CILK1: variants seen among roughly 807,000 people sequenced by gnomAD.
The protein encoded by CILK1 is ciliogenesis associated kinase 1.
CILK1 carries 47 observed loss-of-function variants against 79.2 expected under a neutral mutation model. The observed-to-expected ratio is 0.59, with a 90% CI of 0.47 to 0.76. The LOEUF (loss-of-function observed/expected upper bound fraction) is 0.76. Among genes scored for constraint, CILK1 ranks in the 30% least tolerant of loss-of-function variants. CILK1 has a pLI of 0.00. For synonymous variants in CILK1, 266 were observed against 275.9 expected (o/e 0.96, Z 0.36); for missense variants, 660 against 769.5 (o/e 0.86, Z 1.68).
intron 5 of CILK1, among the ~76,000 whole-genome samples, chr6:53,029,018 C>T (rs996515493): frequency 8.6e-5 from 13 of 151,976 alleles, no homozygotes. Context: ...AGGCTACTTT[C>T]TGGCAACAAG....
chr6:53,028,284 C>A (rs532338102), intron 5 of CILK1, among the ~76,000 whole-genome samples: 7 of 152,330 alleles, frequency 4.6e-5, no homozygotes, highest in Admixed American at 3.9e-4. Context: ...TGACTGCACT[C>A]CAGCCTGGGT....
At position 53,002,848 on chromosome 6, in the gene CILK1, T is replaced by C. The variant is rs545416907; in HGVS notation, c.*2301A>G. 1.3e-5 allele frequency: 2 copies of C among 152,452 alleles called. No individual in the cohort carries two copies. Among genetic ancestry groups the C allele is most frequent in the South Asian group, 2.1e-4 (1 of 4,832 alleles). 9.4% of individuals were successfully genotyped at this position (152,452 alleles called of 1,614,324 possible). A position where few individuals can be genotyped will look rare whatever the true frequency, so the allele number is the denominator to read the frequency against. Reference sequence around the variant, plus strand: ...AATTTTATAATGTGCAATAATCAGGTAACTAGGTTTTTCAGTTAAAAAATG... The same window carrying C: ...AATTTTATAATGTGCAATAATCAGGCAACTAGGTTTTTCAGTTAAAAAATG... On this transcript the variant is annotated 3_prime_UTR_variant, in exon 14 of 14. Transcript: ENST00000676107.
chr6:53,048,195 A>G (rs2127461256), intron 1 of CILK1, among the ~76,000 whole-genome samples: 1 of 152,304 alleles, frequency 6.6e-6, no homozygotes, highest in South Asian at 2.1e-4. Context: ...AAACTTCAAG[A>G]GAAATATTAA....
intron 3 of CILK1, among the ~76,000 whole-genome samples, chr6:53,034,972 G>A (rs1766211047): frequency 6.6e-6 from 1 of 152,124 alleles, no homozygotes; most frequent in Admixed American, 6.6e-5. Context: ...CTCTGTGTCT[G>A]GGGGACGAAG....
chr6:53,022,727 C>T (rs1765323408), intron 5 of CILK1, among the ~76,000 whole-genome samples: 1 of 152,222 alleles, frequency 6.6e-6, no homozygotes, highest in South Asian at 2.1e-4. Context: ...TTCGCTTCTT[C>T]CATTATGCCA....
intron 7 of CILK1, among the ~76,000 whole-genome samples, 172 bp downstream of exon 7, chr6:53,018,157 AG>A (rs1765000150): frequency 6.6e-6 from 1 of 152,198 alleles, no homozygotes; most frequent in South Asian, 2.1e-4. Flanking sequence ...GAACAGGAGG[AG>A]GAAGAGAAGC....
At chr6:53,051,733 C>T (rs919262409) in intron 1 of CILK1, among the ~76,000 whole-genome samples, 3 of 152,174 alleles carry the variant, frequency 2.0e-5, no homozygotes, top group African/African-American at 7.2e-5. Context: ...AGGATTAGAA[C>T]CTGGTATCTT....
intron 2 of CILK1, 146 bp downstream of exon 2, chr6:53,040,990 A>T (rs144169178): frequency 8.5e-6 from 6 of 706,704 alleles, no homozygotes; most frequent in African/African-American, 6.9e-5. Flanking sequence ...TGAGTGTTAC[A>T]GAGTCAATAA....
chr6:53,050,532 T>C lies in CILK1; in HGVS notation c.-172-9124A>G, dbSNP rs554394446. ...GTAAATATGTGACATATTTATTTTATAAAATTATATAGGCTGGGCGTGGTC... is the reference window on the plus strand; with the variant it reads ...GTAAATATGTGACATATTTATTTTACAAAATTATATAGGCTGGGCGTGGTC... On this transcript the variant is annotated intron_variant, in intron 1 of 13. Coordinates refer to ENST00000676107, the MANE Select transcript of CILK1 (RefSeq NM_014920.5). Among the ~76,000 whole-genome samples the C allele has an allele frequency of 1.5e-4, 22 of 151,708 alleles. No individual in the cohort carries two copies. In the South Asian group the frequency reaches 4.6e-3, roughly 31 times the overall value.
chr6:53,019,508 G>A, intron 5 of CILK1, 149 bp from the exon 6 acceptor site: 2 of 782,406 alleles, frequency 2.6e-6, no homozygotes, highest in Non-Finnish European at 4.2e-6. Flanking sequence ...CACAGATAAT[G>A]TAGAGTCCTT....
At chr6:53,055,353 G>GT (rs1475427023) in intron 1 of CILK1, among the ~76,000 whole-genome samples, 1 of 152,160 alleles carries the variant, frequency 6.6e-6, no homozygotes, top group Non-Finnish European at 1.5e-5. Context: ...CCGGGTTTAT[G>GT]TTTTTCTCCT....
chr6:53,046,505 C>A (rs1045433663), intron 1 of CILK1, among the ~76,000 whole-genome samples: 1 of 152,104 alleles, frequency 6.6e-6, no homozygotes, highest in African/African-American at 2.4e-5. Flanking sequence ...ACAGTCACCC[C>A]AACAATTCCT....
chr6:53,058,617 A>G (rs1768132968), intron 1 of CILK1, among the ~76,000 whole-genome samples: 1 of 152,140 alleles, frequency 6.6e-6, no homozygotes, highest in Non-Finnish European at 1.5e-5. Flanking sequence ...GTTCACAGAT[A>G]GGAGAGTTCT....
At chr6:53,017,287 T>C (rs766872463) in intron 7 of CILK1, among the ~76,000 whole-genome samples, 36 of 152,210 alleles carry the variant, frequency 2.4e-4, no homozygotes, top group Non-Finnish European at 4.9e-4. Context: ...ATCCTTGTCC[T>C]GAGTGAGCTT....
intron 10 of CILK1, 25 bp from the exon 11 acceptor site, chr6:53,011,942 G>T: frequency 6.2e-7 from 1 of 1,614,124 alleles, no homozygotes; most frequent in Non-Finnish European, 8.5e-7. Context: ...CATGGCTTGG[G>T]TCAGCACGAG....
intron 3 of CILK1, among the ~76,000 whole-genome samples, chr6:53,033,186 G>GT: frequency 6.6e-6 from 1 of 152,212 alleles, no homozygotes; most frequent in Non-Finnish European, 1.5e-5. Flanking sequence ...TTCTTACAAT[G>GT]TGAGTTTGAG....
At chr6:53,055,725 C>T (rs537697127) in intron 1 of CILK1, among the ~76,000 whole-genome samples, 6 of 152,266 alleles carry the variant, frequency 3.9e-5, no homozygotes, top group South Asian at 2.1e-4. Flanking sequence ...AACTCCCTGT[C>T]GCTTCTCTTA....
intron 10 of CILK1, 27 bp downstream of exon 10, chr6:53,012,010 G>T (rs1054162468): frequency 6.2e-7 from 1 of 1,613,882 alleles, no homozygotes; most frequent in Admixed American, 1.7e-5. Context: ...GATTCAGTCT[G>T]TTTACAAATG....
intron 5 of CILK1, among the ~76,000 whole-genome samples, chr6:53,029,948 G>C (rs1174762524): frequency 1.3e-5 from 2 of 152,156 alleles, no homozygotes; most frequent in Non-Finnish European, 2.9e-5. Flanking sequence ...CCCACCTGTG[G>C]ATACGTCCAT....
Sources: gnomAD v4.1 joint callset for allele counts (sites outside exome capture counted in the v4.1 genomes callset) on GRCh38, gnomAD v4.1.1 for gene constraint, MANE v1.5 for transcripts, NCBI Gene and HGNC (gene_info 2026-07-23, HGNC 2026-07-21) for gene names.